PBX1: variants seen among roughly 807,000 people sequenced by gnomAD.
The protein encoded by PBX1 is PBX homeobox 1, also known as pre-B-cell leukemia transcription factor 1.
In PBX1, 6 loss-of-function variants were observed where a neutral mutation model predicts 53.4. The observed-to-expected ratio is 0.11, with a 90% CI of 0.06 to 0.22. The LOEUF (loss-of-function observed/expected upper bound fraction) is 0.22, where lower values mean the gene tolerates loss of function less well. PBX1 is among the 10% of genes least tolerant of loss of function. The probability of loss-of-function intolerance (pLI) is 1.00; values close to 1 mark genes in which losing one functional copy is unlikely to be tolerated. For synonymous variants in PBX1, 204 were observed against 212.3 expected, an observed-to-expected ratio of 0.96 and a Z score of 0.34; for missense variants, 251 against 551.4, an observed-to-expected ratio of 0.46 and a Z score of 5.46.
intron 2 of PBX1, among the ~76,000 whole-genome samples, chr1:164,574,757 G>A (rs1478467902): frequency 6.6e-6 from 1 of 152,132 alleles, no homozygotes; most frequent in Admixed American, 6.5e-5. Context: ...CGAGATGGGC[G>A]GATCACCTGA....
chr1:164,705,185 G>A (rs563796041), intron 2 of PBX1, among the ~76,000 whole-genome samples: 2 of 152,242 alleles, frequency 1.3e-5, no homozygotes, highest in Non-Finnish European at 2.9e-5. Context: ...CCCATTGTGA[G>A]AACCAAAAAT....
intron 2 of PBX1, among the ~76,000 whole-genome samples, chr1:164,584,363 AAGAGAGAG>A (rs61298874): frequency 1.4e-5 from 2 of 147,916 alleles, no homozygotes. Flanking sequence ...GAGAGAGAGA[AAGAGAGAG>A]AGAGAGAGAG....
intron 2 of PBX1, chr1:164,684,439 T>A (rs937484769): frequency 6.6e-6 from 1 of 152,210 alleles, no homozygotes; most frequent in Non-Finnish European, 1.5e-5. Flanking sequence ...TTTCCCTAAG[T>A]TTTGAGAAGC....
chr1:164,670,287 G>C (rs1214237675), intron 2 of PBX1, among the ~76,000 whole-genome samples: 1 of 152,186 alleles, frequency 6.6e-6, no homozygotes, highest in Non-Finnish European at 1.5e-5. Flanking sequence ...AGAAGTGCTG[G>C]GGAGGAACCT....
At chr1:164,830,509 T>C (rs1670701463) in intron 8 of PBX1, among the ~76,000 whole-genome samples, 2 of 152,202 alleles carry the variant, frequency 1.3e-5, no homozygotes, top group African/African-American at 2.4e-5. Flanking sequence ...CTTCAAACTA[T>C]TAAATAATAT....
intron 2 of PBX1, among the ~76,000 whole-genome samples, chr1:164,705,305 A>T (rs1663366396): frequency 1.3e-5 from 2 of 152,240 alleles, no homozygotes; most frequent in South Asian, 4.1e-4. Context: ...TTTACTGTAA[A>T]TAAATAATAT....
At chr1:164,833,574 A>G (rs760578684) in intron 8 of PBX1, among the ~76,000 whole-genome samples, 3 of 152,292 alleles carry the variant, frequency 2.0e-5, no homozygotes, top group South Asian at 2.1e-4. Context: ...TACTTAGTAC[A>G]CTGGAGTTGG....
intron 2 of PBX1, among the ~76,000 whole-genome samples, chr1:164,866,742 T>G (rs1054688475): frequency 6.6e-6 from 1 of 152,238 alleles, no homozygotes; most frequent in African/African-American, 2.4e-5. Context: ...GTTCCCAAAT[T>G]AAGCCAGATA....
At chr1:164,576,391 G>C (rs967630485) in intron 2 of PBX1, among the ~76,000 whole-genome samples, 23 of 152,292 alleles carry the variant, frequency 1.5e-4, no homozygotes, top group African/African-American at 5.5e-4. Flanking sequence ...GCCACTGCCC[G>C]GTCCGCCGGC....
At chr1:164,643,739 G>A (rs1659288876) in intron 2 of PBX1, among the ~76,000 whole-genome samples, 1 of 152,166 alleles carries the variant, frequency 6.6e-6, no homozygotes, top group African/African-American at 2.4e-5. Context: ...CAACGAAGAA[G>A]CAAAGTTATC....
intron 2 of PBX1, among the ~76,000 whole-genome samples, chr1:164,714,410 C>T (rs901031699): frequency 2.0e-5 from 3 of 152,150 alleles, no homozygotes; most frequent in African/African-American, 7.2e-5. Flanking sequence ...TTACAGGGAG[C>T]AATGTAGTTC....
chr1:164,638,232 CTCTTCCTGTTTGG>C (rs988613042), intron 2 of PBX1, among the ~76,000 whole-genome samples: 2 of 152,222 alleles, frequency 1.3e-5, no homozygotes, highest in African/African-American at 4.8e-5. Flanking sequence ...ATTTCTGCGC[CTCTTCCTGTTTGG>C]TCTGCTGGAA....
In PBX1 at chr1:164,839,630, AC is replaced by A. The variant is rs1571507826; in HGVS notation, c.1201-6953del. 2.0e-5 allele frequency among the ~76,000 whole-genome samples: 3 copies of A among 152,326 alleles called. No individual in the cohort carries two copies. The East Asian group carries it at 5.8e-4, about 29-fold the overall frequency. On this transcript the variant is annotated intron_variant, in intron 8 of 8. Coordinates refer to ENST00000420696, the MANE Select transcript of PBX1 (RefSeq NM_002585.4). ...CAGGCAAAGGCAAAAAAATCCTCTC[AC>A]TTGACTTCTCAGTACAGTAAAGGAA...
chr1:164,565,073 T>C (rs1653336968), intron 2 of PBX1, among the ~76,000 whole-genome samples: 1 of 152,100 alleles, frequency 6.6e-6, no homozygotes, highest in South Asian at 2.1e-4. Context: ...AAATGTACAT[T>C]GTGGCCAAAG....
rs138540361 is a variant in PBX1 at position 164,611,932 on chromosome 1, C to G, written c.265+48621C>G. On this transcript the variant is annotated intron_variant, in intron 2 of 8. Transcript: ENST00000420696. Reference sequence around the variant, plus strand: ...ATGCCCTCCTTTCTTCTCCCAGGGCCGGTGTTTTGATAGTGTCAGGTTACA... The same window carrying G: ...ATGCCCTCCTTTCTTCTCCCAGGGCGGGTGTTTTGATAGTGTCAGGTTACA... 2.1e-4 allele frequency among the ~76,000 whole-genome samples: 32 copies of G among 152,236 alleles called. No individual in the cohort carries two copies. In the South Asian group the frequency reaches 3.3e-3, roughly 16 times the overall value.
chr1:164,565,279 T>G (rs2101694083), intron 2 of PBX1, among the ~76,000 whole-genome samples: 1 of 152,308 alleles, frequency 6.6e-6, no homozygotes, highest in East Asian at 1.9e-4. Flanking sequence ...TTTTAAATTT[T>G]GTGTCAATAC....
rs567107510 is a variant in PBX1 at position 164,635,227 on chromosome 1, C to G, written c.265+71916C>G. Among the ~76,000 whole-genome samples, 66 of 152,166 alleles carry G rather than the reference C, an allele frequency of 4.3e-4. No homozygotes were observed. In the South Asian group the frequency reaches 0.013, roughly 31 times the overall value. ...CACCCTGGGAGTTTATTTTCTTAAT[C>G]CAAGAGAGGAGCTCTCAGTCCCCTG... On this transcript the variant is annotated intron_variant, in intron 2 of 8. Coordinates refer to ENST00000420696, the MANE Select transcript of PBX1 (RefSeq NM_002585.4).
At chr1:164,677,304 G>A (rs61803850) in intron 2 of PBX1, among the ~76,000 whole-genome samples, 9,191 of 151,402 alleles carry the variant, frequency 0.061, 333 homozygotes, top group East Asian at 0.13. Flanking sequence ...TTGTTAGCCA[G>A]GATGGTCTCG....
chr1:164,713,731 G>C (rs1663928036), intron 2 of PBX1, among the ~76,000 whole-genome samples: 1 of 152,126 alleles, frequency 6.6e-6, no homozygotes, highest in African/African-American at 2.4e-5. Context: ...GCAGCAGAAA[G>C]CATTATTACC....
Sources: gnomAD v4.1 joint callset for allele counts (sites outside exome capture counted in the v4.1 genomes callset) on GRCh38, gnomAD v4.1.1 for gene constraint, MANE v1.5 for transcripts, NCBI Gene and HGNC (gene_info 2026-07-23, HGNC 2026-07-21) for gene names.